The following L2HGDH variants were observed in gnomAD, a reference collection of about 807,000 sequenced individuals.
L2HGDH encodes the protein L-2-hydroxyglutarate dehydrogenase, also known as L-2-hydroxyglutarate dehydrogenase, mitochondrial.
L2HGDH carries 34 observed loss-of-function variants against 51.5 expected under a neutral mutation model. The ratio of observed to expected loss-of-function variants is 0.66; its 90% CI spans 0.50 to 0.88. L2HGDH has a LOEUF of 0.88. Among genes scored for constraint, L2HGDH ranks in the 40% least tolerant of loss-of-function variants. L2HGDH has a pLI of 0.00. For synonymous variants in L2HGDH, 198 were observed against 197.9 expected, an observed-to-expected ratio of 1.00 and a Z score of -0.01; for missense variants, 558 against 571.9, an observed-to-expected ratio of 0.98 and a Z score of 0.25.
chr14:50,275,331 G>C (rs1595099315), intron 6 of L2HGDH, among the ~76,000 whole-genome samples: 1 of 152,186 alleles, frequency 6.6e-6, no homozygotes, highest in Non-Finnish European at 1.5e-5. Flanking sequence ...GCCAATAGTA[G>C]ATAGCAACAG....
At chr14:50,273,190 A>T (rs930870413) in intron 6 of L2HGDH, among the ~76,000 whole-genome samples, 2 of 152,260 alleles carry the variant, frequency 1.3e-5, no homozygotes, top group East Asian at 3.8e-4. Context: ...TTCAGAGAGT[A>T]AAGATATTCA....
chr14:50,294,209 A>C lies in L2HGDH; in HGVS notation c.446T>G (p.Leu149Arg), dbSNP rs1303371959. 5.6e-6 allele frequency: 9 copies of C among 1,613,554 alleles called. No individual in the cohort carries two copies. The highest frequency in any genetic ancestry group is 7.6e-6 in the Non-Finnish European group (9 of 1,179,822). ...GAGGCCTTTCTCATATAGGGCCTGA[A>C]GTCTGGGAATTTCTTCTTGTTCAAC... ...VAVEQEEIPR[L>R]QALYEKGLQN... The change falls in exon 4 of 10, where the codon CTT (leucine) becomes CGT (arginine). Residue 149 changes from leucine to arginine, a missense_variant. This residue lies in a region of L2HGDH where 43 missense variants were observed against 72.9 expected (regional missense o/e 0.59). Transcript: ENST00000267436.
intron 9 of L2HGDH, among the ~76,000 whole-genome samples, chr14:50,252,893 C>CA: frequency 6.6e-6 from 1 of 152,096 alleles, no homozygotes; most frequent in East Asian, 1.9e-4. Flanking sequence ...AGAACCTCGA[C>CA]AAAGAAATGT....
rs1056729789 is a variant in L2HGDH, at chr14:50,244,970, T to C, written c.*2088A>G. The C allele has an allele frequency of 2.0e-6, 2 of 985,388 alleles. No homozygotes were observed. The highest frequency in any genetic ancestry group is 9.4e-5 in the South Asian group (2 of 21,290). 61.0% of individuals were successfully genotyped at this position (985,388 alleles called of 1,614,324 possible). ...CTGCAGTCAGGTCGCCACATTTTCA[T>C]TTACAATTTCTATTTTCTAACTTTC... On this transcript the variant is annotated 3_prime_UTR_variant, in exon 10 of 10. Transcript: ENST00000267436.
intron 4 of L2HGDH, among the ~76,000 whole-genome samples, chr14:50,290,405 T>G (rs1455936411): frequency 6.6e-6 from 1 of 152,194 alleles, no homozygotes. Context: ...ATATTCAAAT[T>G]TGATTAAATT....
intron 5 of L2HGDH, 59 bp downstream of exon 5, chr14:50,283,812 C>T: frequency 6.6e-7 from 1 of 1,507,692 alleles, no homozygotes. Context: ...ACCACAGATG[C>T]AAAACCCATG....
chr14:50,242,558 G>A lies in L2HGDH; in HGVS notation c.*4500C>T. On this transcript the variant is annotated 3_prime_UTR_variant, in exon 10 of 10. Transcript: ENST00000267436. ...GATTTGAGGCCAGAAAAGTAGAGTT[G>A]GTTGGTATCAACACTGTTCTTCCCT... is the stretch of plus-strand genomic sequence containing the variant. 1.0e-6 allele frequency: 1 copy of A among 984,678 alleles called. No individual in the cohort carries two copies. The highest frequency in any genetic ancestry group is 1.2e-6 in the Non-Finnish European group (1 of 829,276). The allele number at this position is 984,678 out of a possible 1,614,324, so 61.0% of individuals were successfully genotyped here.
intron 1 of L2HGDH, among the ~76,000 whole-genome samples, chr14:50,306,448 G>C (rs552865000): frequency 6.6e-6 from 1 of 152,066 alleles, no homozygotes; most frequent in Non-Finnish European, 1.5e-5. Flanking sequence ...TTACTTTCAA[G>C]TTCAACTATG....
At chr14:50,285,374 A>G (rs1048917277) in intron 4 of L2HGDH, among the ~76,000 whole-genome samples, 1 of 152,236 alleles carries the variant, frequency 6.6e-6, no homozygotes, top group Non-Finnish European at 1.5e-5. Flanking sequence ...AATGTTTGGC[A>G]AACTTCATCA....
intron 3 of L2HGDH, among the ~76,000 whole-genome samples, chr14:50,296,901 A>G (rs2030090686): frequency 6.6e-6 from 1 of 152,214 alleles, no homozygotes; most frequent in South Asian, 2.1e-4. Context: ...ATGCAGCAAC[A>G]TATAGAGAGG....
intron 9 of L2HGDH, among the ~76,000 whole-genome samples, chr14:50,248,792 A>G (rs1888161026): frequency 6.6e-6 from 1 of 152,256 alleles, no homozygotes; most frequent in African/African-American, 2.4e-5. Flanking sequence ...CTAGAACACC[A>G]AATTTTAACT....
At chr14:50,269,067 TTC>T (rs1889515075) in intron 7 of L2HGDH, 94 bp downstream of exon 7, 5 of 1,094,204 alleles carry the variant, frequency 4.6e-6, no homozygotes, top group South Asian at 2.6e-5. Context: ...CCTTCAAAAT[TTC>T]TCTTATTTCT....
At chr14:50,309,214 A>G (rs1437710426) in intron 1 of L2HGDH, among the ~76,000 whole-genome samples, 1 of 152,182 alleles carries the variant, frequency 6.6e-6, no homozygotes, top group Non-Finnish European at 1.5e-5. Flanking sequence ...TGTCATCTCT[A>G]TGTCCAAAGA....
In L2HGDH at chr14:50,247,233, GCT is replaced by G. The variant is rs1566498657; in HGVS notation, c.1215_1216del (p.Arg405SerfsTer6). The G allele has an allele frequency of 6.2e-7, 1 of 1,613,734 alleles. No individual in the cohort carries two copies. The highest frequency in any genetic ancestry group is 8.5e-7 in the Non-Finnish European group (1 of 1,179,850). On this transcript the variant is annotated frameshift_variant, in exon 10 of 10. Transcript: ENST00000267436. LOFTEE classifies it high-confidence loss of function. ...ATTTCCATCTCTATCCAGGGCCTGG[GCT>G]CTTACTCCAGCTGGGCCCCTGCAAA...
At chr14:50,269,709 C>A (rs540360370) in intron 6 of L2HGDH, among the ~76,000 whole-genome samples, 1 of 152,242 alleles carries the variant, frequency 6.6e-6, no homozygotes, top group South Asian at 2.1e-4. Flanking sequence ...GTCATTTAGA[C>A]AGCCTCCACC....
At chr14:50,275,979 C>G (rs555052058) in intron 6 of L2HGDH, among the ~76,000 whole-genome samples, 2 of 152,284 alleles carry the variant, frequency 1.3e-5, no homozygotes, top group East Asian at 3.9e-4. Flanking sequence ...CACCTGGCCA[C>G]TTTGGGTTCC....
intron 6 of L2HGDH, among the ~76,000 whole-genome samples, chr14:50,275,933 A>G (rs1889955782): frequency 6.6e-6 from 1 of 152,186 alleles, no homozygotes; most frequent in African/African-American, 2.4e-5. Flanking sequence ...TTAGAGAATG[A>G]CAGTGGTTCC....
chr14:50,279,499 G>A (rs767450486), intron 5 of L2HGDH, among the ~76,000 whole-genome samples: 24 of 152,002 alleles, frequency 1.6e-4, no homozygotes, highest in Admixed American at 6.6e-4. Context: ...TTATTACTAG[G>A]TGCTATTTCC....
chr14:50,256,518 C>CAA (rs753470144), intron 9 of L2HGDH, among the ~76,000 whole-genome samples: 6 of 71,962 alleles, frequency 8.3e-5, no homozygotes, highest in South Asian at 3.9e-4. Context: ...GCCTGTCTTA[C>CAA]AAAAAAAAAA....
Sources: allele counts gnomAD v4.1 joint callset (sites outside exome capture counted in the v4.1 genomes callset), GRCh38; gene constraint gnomAD v4.1.1; regional missense constraint gnomAD v4.1.1; transcripts MANE v1.5; gene names NCBI Gene and HGNC (gene_info 2026-07-23, HGNC 2026-07-21).